Variants in ZFR observed in about 807,000 individuals in gnomAD.
ZFR encodes zinc finger RNA-binding protein.
Under a neutral mutation model 130.7 loss-of-function variants are expected in ZFR, and 19 were observed. The ratio of observed to expected loss-of-function variants is 0.15; its 90% confidence interval spans 0.10 to 0.21. ZFR has a LOEUF of 0.21. ZFR is among the 10% of genes least tolerant of loss of function. The probability of loss-of-function intolerance (pLI) is 1.00; values close to 1 mark genes in which losing one functional copy is unlikely to be tolerated. For missense variants in ZFR, 872 were observed against 1,321.5 expected, an observed-to-expected ratio of 0.66 and a Z score of 5.27; for synonymous variants, 466 against 456.9, an observed-to-expected ratio of 1.02 and a Z score of -0.25.
chr5:32,363,842 G>A, intron 19 of ZFR, 106 bp downstream of exon 19: 1 of 916,620 alleles, frequency 1.1e-6, no homozygotes, highest in African/African-American at 1.7e-5. Flanking sequence ...AGAAGCAGAA[G>A]AACGAATATT....
In ZFR at chr5:32,406,769, AG is replaced by A. The variant is rs749197053; in HGVS notation, c.1032+4del. The A allele has an allele frequency of 1.2e-6, 2 of 1,606,354 alleles. No individual in the cohort carries two copies. The highest frequency in any genetic ancestry group is 2.2e-5 in the South Asian group (2 of 89,194). On this transcript the variant is annotated splice_donor_region_variant and intron_variant, in intron 6 of 19. Transcript: ENST00000265069. Reference sequence around the variant, plus strand: ...GACTCAAGGTAAAACATACAACGTAAGTACCTGTGGTCCAGCACAGCTGATC... The same window carrying A: ...GACTCAAGGTAAAACATACAACGTAATACCTGTGGTCCAGCACAGCTGATC...
chr5:32,396,939 G>C (rs1005691392), intron 10 of ZFR, among the ~76,000 whole-genome samples: 5 of 152,154 alleles, frequency 3.3e-5, no homozygotes, highest in African/African-American at 1.2e-4. Flanking sequence ...CATTTTATGT[G>C]AATTAATTAT....
At chr5:32,405,158 A>T (rs1162272765) in intron 6 of ZFR, among the ~76,000 whole-genome samples, 2 of 152,204 alleles carry the variant, frequency 1.3e-5, no homozygotes. Flanking sequence ...CATTATCTGC[A>T]GTGGCCTGAA....
At chr5:32,438,000 T>G (rs1406371088) in intron 2 of ZFR, among the ~76,000 whole-genome samples, 2 of 152,180 alleles carry the variant, frequency 1.3e-5, no homozygotes. Flanking sequence ...TTTATTGGAG[T>G]AATGCTAAAT....
chr5:32,400,061 A>G lies in ZFR; in HGVS notation c.1659T>C (p.Ser553=). ...GCACATCACTCTGTAAAGCAGCAAG[A>G]GATGCAGGTGTGACTGGTTCTGACA... ...DTVSEPVTPA[S]LAALQSDVQP... Residue 553 remains serine, a synonymous_variant, in exon 9 of 20, where the codon TCT becomes TCC. Coordinates refer to ENST00000265069, the MANE Select transcript of ZFR (RefSeq NM_016107.5). 6.2e-7 allele frequency: 1 copy of G among 1,613,378 alleles called. No individual in the cohort carries two copies. Among genetic ancestry groups the G allele is most frequent in the Non-Finnish European group, 8.5e-7 (1 of 1,179,586 alleles).
intron 2 of ZFR, among the ~76,000 whole-genome samples, chr5:32,437,729 A>T (rs1754371858): frequency 6.6e-6 from 1 of 152,200 alleles, no homozygotes; most frequent in African/African-American, 2.4e-5. Flanking sequence ...ACATCTATTT[A>T]AACAGACATA....
chr5:32,407,164 G>GAA, intron 5 of ZFR, 143 bp from the exon 6 acceptor site: 1 of 733,190 alleles, frequency 1.4e-6, no homozygotes, highest in Non-Finnish European at 2.0e-6. Flanking sequence ...CACAGAACCA[G>GAA]AAAAAAGCTT....
chr5:32,439,068 C>T (rs960365793), intron 2 of ZFR, among the ~76,000 whole-genome samples: 3 of 152,228 alleles, frequency 2.0e-5, no homozygotes, highest in Admixed American at 6.5e-5. Flanking sequence ...CAGGGATATT[C>T]TGGCTCACCC....
intron 19 of ZFR, among the ~76,000 whole-genome samples, chr5:32,362,415 G>A (rs1199916764): frequency 1.3e-5 from 2 of 152,128 alleles, no homozygotes; most frequent in African/African-American, 4.8e-5. Context: ...GACAAAGGAA[G>A]GAAGAGGGAC....
At chr5:32,357,074 G>A (rs1052333362) in intron 19 of ZFR, among the ~76,000 whole-genome samples, 2 of 150,010 alleles carry the variant, frequency 1.3e-5, no homozygotes, top group South Asian at 2.1e-4. Context: ...CTGCAACCTC[G>A]ACCTCCCTGG....
intron 11 of ZFR, among the ~76,000 whole-genome samples, chr5:32,392,663 C>T (rs1753209125): frequency 6.6e-6 from 1 of 152,036 alleles, no homozygotes; most frequent in African/African-American, 2.4e-5. Context: ...CCAAGTGGTC[C>T]CGGAGACCCT....
At chr5:32,384,098 T>C (rs1351949411) in intron 15 of ZFR, among the ~76,000 whole-genome samples, 1 of 152,250 alleles carries the variant, frequency 6.6e-6, no homozygotes, top group Non-Finnish European at 1.5e-5. Context: ...CTTGATACTG[T>C]ATAAATTTAA....
rs570219363 is a variant in ZFR at position 32,425,818 on chromosome 5, G to GC, written c.138-5716dup. 1.1e-4 allele frequency among the ~76,000 whole-genome samples: 16 copies of GC among 152,280 alleles called. No homozygotes were observed. The East Asian group carries it at 3.1e-3, about 29-fold the overall frequency. On this transcript the variant is annotated intron_variant, in intron 2 of 19. Transcript: ENST00000265069. ...TGGGATTACAGGCATGAGCCACCGT[G>GC]CCCAGCCTAATTCTAATATAGTAAA...
Position 32,387,793 on chromosome 5 carries a change from T to C in ZFR, c.2349-94A>G, listed in dbSNP as rs541843155. On this transcript the variant is annotated intron_variant, in intron 13 of 19. Coordinates refer to ENST00000265069, the MANE Select transcript of ZFR (RefSeq NM_016107.5). ...ACAATAGTAAGTGAAATAACTTTTG[T>C]GCCATTAAAATTTCCATCAACCGCA... The C allele has an allele frequency of 1.9e-5, 25 of 1,295,050 alleles. 1 individual carries two copies. In the African/African-American group the frequency reaches 3.6e-4, roughly 19 times the overall value. 80.2% of individuals were successfully genotyped at this position (1,295,050 alleles called of 1,614,324 possible). A position where few individuals can be genotyped will look rare whatever the true frequency, so the allele number is the denominator to read the frequency against.
chr5:32,427,513 A>G (rs373482372), intron 2 of ZFR, among the ~76,000 whole-genome samples: 86 of 152,320 alleles, frequency 5.6e-4, no homozygotes, highest in African/African-American at 2.0e-3. Flanking sequence ...ATGGAAAGAC[A>G]TCCCATGTTC....
Position 32,420,115 on chromosome 5 carries a change from A to G in ZFR, c.138-12T>C, listed in dbSNP as rs1581709474. On this transcript the variant is annotated splice_polypyrimidine_tract_variant and intron_variant, in intron 2 of 19. Transcript: ENST00000265069. The stretch of plus-strand genomic sequence containing the variant: ...AAGCTGGCTGCTGGCTACATTGTGG[A>G]GTACAAGAATAAATATAATACAATT... 2.0e-6 allele frequency: 3 copies of G among 1,527,914 alleles called. No individual in the cohort carries two copies. The highest frequency in any genetic ancestry group is 2.6e-6 in the Non-Finnish European group (3 of 1,134,020). The allele number at this position is 1,527,914 out of a possible 1,614,324, so 94.6% of individuals were successfully genotyped here.
intron 17 of ZFR, 74 bp downstream of exon 17, chr5:32,379,041 T>C (rs923933709): frequency 3.5e-6 from 4 of 1,147,610 alleles, no homozygotes; most frequent in African/African-American, 1.5e-5. Flanking sequence ...GATAATTACA[T>C]GTAAACTGAG....
chr5:32,398,347 T>C (rs1204456018), intron 9 of ZFR, among the ~76,000 whole-genome samples: 1 of 152,228 alleles, frequency 6.6e-6, no homozygotes, highest in Non-Finnish European at 1.5e-5. Flanking sequence ...TTTTATAATA[T>C]GTAACTTTAT....
chr5:32,430,169 T>G (rs189047299), intron 2 of ZFR, among the ~76,000 whole-genome samples: 22 of 151,588 alleles, frequency 1.5e-4, no homozygotes, highest in East Asian at 7.7e-4. Flanking sequence ...GAAAAAAATT[T>G]TTTTGAGACC....
Sources: allele counts gnomAD v4.1 joint callset (sites outside exome capture counted in the v4.1 genomes callset), GRCh38; gene constraint gnomAD v4.1.1; transcripts MANE v1.5; gene names NCBI Gene and HGNC (gene_info 2026-07-23, HGNC 2026-07-21).